The following NAV2 variants were observed in gnomAD, a reference collection of about 807,000 sequenced individuals.
NAV2 encodes neuron navigator 2, also known as helicase, APC down-regulated 1.
NAV2 carries 54 observed loss-of-function variants against 223.2 expected under a neutral mutation model. That is an observed-to-expected ratio of 0.24 (90% CI 0.19 to 0.30). The LOEUF (loss-of-function observed/expected upper bound fraction) is 0.30. Ranked by LOEUF, NAV2 falls within the 10% of genes least tolerant of loss-of-function variation. The pLI is 1.00. For synonymous variants in NAV2, 1,279 were observed against 1,239.3 expected, an observed-to-expected ratio of 1.03 and a Z score of -0.67; for missense variants, 2,806 against 3,147.5, an observed-to-expected ratio of 0.89 and a Z score of 2.60.
chr11:20,025,274 CTT>C (rs1591714821), intron 11 of NAV2, among the ~76,000 whole-genome samples: 2 of 152,204 alleles, frequency 1.3e-5, no homozygotes, highest in South Asian at 2.1e-4. Context: ...ATTATTAAAA[CTT>C]TTCACCTTGT....
intron 10 of NAV2, among the ~76,000 whole-genome samples, chr11:19,966,333 T>C (rs1000745757): frequency 3.3e-5 from 5 of 152,172 alleles, no homozygotes; most frequent in Admixed American, 6.5e-5. Context: ...TAGTCTCACA[T>C]TGGAGTGTCT....
intron 1 of NAV2, among the ~76,000 whole-genome samples, chr11:19,488,850 A>G (rs968271456): frequency 1.3e-5 from 2 of 152,216 alleles, no homozygotes; most frequent in Admixed American, 6.5e-5. Context: ...GCATGAGTCC[A>G]AACTCTTCAT....
At chr11:19,863,080 G>A (rs920699839) in intron 3 of NAV2, among the ~76,000 whole-genome samples, 9 of 152,056 alleles carry the variant, frequency 5.9e-5, no homozygotes, top group Non-Finnish European at 8.8e-5. Context: ...CCACCTTGAG[G>A]CCACTGTTTG....
chr11:19,539,541 A>T (rs1368906430), intron 1 of NAV2, among the ~76,000 whole-genome samples: 1 of 152,228 alleles, frequency 6.6e-6, no homozygotes, highest in African/African-American at 2.4e-5. Flanking sequence ...CACAAAGTAA[A>T]CTTAGGTACA....
chr11:19,547,690 A>G (rs543832646), intron 1 of NAV2, among the ~76,000 whole-genome samples: 2 of 152,272 alleles, frequency 1.3e-5, no homozygotes, highest in East Asian at 3.9e-4. Context: ...CCGGGGGACA[A>G]GTAGGACCCC....
chr11:20,018,551 G>A (rs539748422), intron 11 of NAV2, among the ~76,000 whole-genome samples: 11 of 152,066 alleles, frequency 7.2e-5, no homozygotes, highest in East Asian at 1.9e-4. Flanking sequence ...TAAAACCATT[G>A]AACTAAAGTC....
chr11:20,085,799 A>C (rs2060398085), intron 26 of NAV2, among the ~76,000 whole-genome samples: 1 of 152,210 alleles, frequency 6.6e-6, no homozygotes, highest in East Asian at 1.9e-4. Flanking sequence ...TGGAGAGTGC[A>C]GAGGAACCTG....
chr11:20,075,786 C>G (rs2059703283), intron 22 of NAV2, among the ~76,000 whole-genome samples: 1 of 151,276 alleles, frequency 6.6e-6, no homozygotes, highest in Non-Finnish European at 1.5e-5. Flanking sequence ...CACCCACCCC[C>G]CATGCTTATC....
chr11:19,459,604 A>G (rs1364672179), intron 1 of NAV2, among the ~76,000 whole-genome samples: 3 of 152,230 alleles, frequency 2.0e-5, no homozygotes, highest in Non-Finnish European at 2.9e-5. Context: ...AGATGTTTCC[A>G]TAGAGCCATC....
intron 1 of NAV2, among the ~76,000 whole-genome samples, chr11:19,610,465 A>G (rs149255049): frequency 2.2e-4 from 33 of 152,320 alleles, no homozygotes; most frequent in African/African-American, 7.9e-4. Context: ...TTTCTATACA[A>G]TGAATTCCCT....
upstream of NAV2, among the ~76,000 whole-genome samples, chr11:19,348,725 A>C (rs1293114941): frequency 1.3e-5 from 2 of 152,220 alleles, no homozygotes; most frequent in Non-Finnish European, 2.9e-5. Flanking sequence ...CTGTGTTAAT[A>C]GGTGATCTTG....
At chr11:19,797,913 T>C (rs1484162498) in intron 1 of NAV2, among the ~76,000 whole-genome samples, 1 of 152,344 alleles carries the variant, frequency 6.6e-6, no homozygotes, top group African/African-American at 2.4e-5. Flanking sequence ...CTGGAAATAC[T>C]GTTCACCTTT....
chr11:19,705,898 A>G (rs572751076), intron 1 of NAV2, among the ~76,000 whole-genome samples: 1 of 152,180 alleles, frequency 6.6e-6, no homozygotes, highest in South Asian at 2.1e-4. Context: ...CAGGAAATGG[A>G]ATTTTTCTCA....
At chr11:20,116,906 A>G (rs1391837700) in intron 37 of NAV2, among the ~76,000 whole-genome samples, 1 of 152,222 alleles carries the variant, frequency 6.6e-6, no homozygotes, top group Admixed American at 6.5e-5. Context: ...TTCCAGAACC[A>G]TATACTGTGG....
At chr11:19,885,822 A>C (rs1349625256) in intron 5 of NAV2, among the ~76,000 whole-genome samples, 1 of 152,168 alleles carries the variant, frequency 6.6e-6, no homozygotes, top group African/African-American at 2.4e-5. Flanking sequence ...GTCTGTCTTC[A>C]TTTATCACAA....
At chr11:19,468,100 G>A (rs1852433501) in intron 1 of NAV2, among the ~76,000 whole-genome samples, 1 of 152,216 alleles carries the variant, frequency 6.6e-6, no homozygotes, top group South Asian at 2.1e-4. Flanking sequence ...TGTGGTCTTA[G>A]TGGTAGAGCA....
chr11:19,630,021 C>G (rs2135483921), intron 1 of NAV2, among the ~76,000 whole-genome samples: 1 of 150,194 alleles, frequency 6.7e-6, no homozygotes, highest in African/African-American at 2.5e-5. Flanking sequence ...ACATGTTTCC[C>G]CAACTCTGTG....
In NAV2 at chr11:19,713,686, C is replaced by A. The variant is rs759011133; in HGVS notation, c.-10C>A. 1.5e-5 allele frequency: 23 copies of A among 1,551,562 alleles called. No individual in the cohort carries two copies. The highest frequency in any genetic ancestry group is 2.3e-4 in the Middle Eastern group (1 of 4,444). On this transcript the variant is annotated 5_prime_UTR_variant, in exon 1 of 38. Coordinates refer to ENST00000349880, the MANE Select transcript of NAV2 (RefSeq NM_145117.5). This position sits in a 1 kb window ranked among gnomAD's most constrained non-coding sequence, Gnocchi z 7.2. ...GGGACGTGCTGGGAAAGCCCAAGCC[C>A]CGGGAGAAGATGCCGGCCATCCTGG...
At chr11:20,044,856 C>G in intron 13 of NAV2, 112 bp from the exon 14 acceptor site, 1 of 822,226 alleles carries the variant, frequency 1.2e-6, no homozygotes, top group Non-Finnish European at 1.9e-6. Flanking sequence ...TTTCCTCTGC[C>G]TCCCCAAGGG....
Sources: allele counts gnomAD v4.1 joint callset (sites outside exome capture counted in the v4.1 genomes callset), GRCh38; gene constraint gnomAD v4.1.1; non-coding constraint Gnocchi (gnomAD v3.1); transcripts MANE v1.5; gene names NCBI Gene and HGNC (gene_info 2026-07-23, HGNC 2026-07-21).